The following NALF1 variants were observed in gnomAD, a reference collection of about 807,000 sequenced individuals.
The protein encoded by NALF1 is NALCN channel auxiliary factor 1.
A neutral mutation model predicts 48.4 loss-of-function variants in NALF1; 3 were observed. The ratio of observed to expected loss-of-function variants is 0.06; its 90% CI spans 0.03 to 0.16. The LOEUF (loss-of-function observed/expected upper bound fraction) is 0.16. Ranked by LOEUF, NALF1 falls within the 10% of genes least tolerant of loss-of-function variation. The pLI, the probability that NALF1 is intolerant of heterozygous loss-of-function variation, is 1.00. For missense variants in NALF1, 526 were observed against 571.5 expected (o/e 0.92, Z 0.81); for synonymous variants, 262 against 245.7 (o/e 1.07, Z -0.62).
chr13:107,325,075 A>G (rs185262736), intron 1 of NALF1, among the ~76,000 whole-genome samples: 269 of 152,324 alleles, frequency 1.8e-3, no homozygotes, highest in Middle Eastern at 3.4e-3. Context: ...CTATCTTGAA[A>G]TCATCAGTGG....
At chr13:107,511,134 G>A (rs1055531310) in intron 1 of NALF1, among the ~76,000 whole-genome samples, 2 of 152,164 alleles carry the variant, frequency 1.3e-5, no homozygotes, top group Non-Finnish European at 2.9e-5. Flanking sequence ...GCTGTTCACA[G>A]TGACACCGGA....
chr13:107,253,080 T>C (rs752178875), intron 1 of NALF1, among the ~76,000 whole-genome samples: 1 of 152,080 alleles, frequency 6.6e-6, no homozygotes, highest in Non-Finnish European at 1.5e-5. Flanking sequence ...GAGTATGAAA[T>C]GTAAATTTAA....
At chr13:107,390,697 G>C (rs1188259136) in intron 1 of NALF1, among the ~76,000 whole-genome samples, 4 of 151,974 alleles carry the variant, frequency 2.6e-5, no homozygotes. Flanking sequence ...GCCAACCTTG[G>C]ACAATGCTGT....
intron 1 of NALF1, among the ~76,000 whole-genome samples, chr13:107,809,234 A>G (rs975683370): frequency 4.6e-5 from 7 of 151,992 alleles, no homozygotes; most frequent in African/African-American, 1.7e-4. Context: ...TAATCAGGCC[A>G]TGACCTAAAT....
At chr13:107,378,836 G>A (rs1447602765) in intron 1 of NALF1, among the ~76,000 whole-genome samples, 1 of 152,072 alleles carries the variant, frequency 6.6e-6, no homozygotes, top group Non-Finnish European at 1.5e-5. Flanking sequence ...AAATATTATT[G>A]TTGAAAAATA....
chr13:107,221,499 G>C (rs554230636), intron 1 of NALF1, among the ~76,000 whole-genome samples: 1 of 152,246 alleles, frequency 6.6e-6, no homozygotes, highest in South Asian at 2.1e-4. Flanking sequence ...AGAATCACTT[G>C]AACTCAGGAG....
chr13:107,666,039 T>C (rs771533989), intron 1 of NALF1, among the ~76,000 whole-genome samples: 5 of 152,152 alleles, frequency 3.3e-5, no homozygotes, highest in Non-Finnish European at 5.9e-5. Context: ...ATCTGTAAAG[T>C]AGATGTCTAA....
chr13:107,236,511 G>A (rs143038226), intron 1 of NALF1, among the ~76,000 whole-genome samples: 134 of 152,188 alleles, frequency 8.8e-4, no homozygotes, highest in Middle Eastern at 3.4e-3. Flanking sequence ...TCCCCAGAGC[G>A]CATAATAATT....
chr13:107,264,523 C>A (rs994520906), intron 1 of NALF1, among the ~76,000 whole-genome samples: 1 of 152,056 alleles, frequency 6.6e-6, no homozygotes, highest in Non-Finnish European at 1.5e-5. Flanking sequence ...TTCATCTTCA[C>A]TAAAAATTGT....
chr13:107,782,342 G>A (rs966839722), intron 1 of NALF1, among the ~76,000 whole-genome samples: 18 of 152,320 alleles, frequency 1.2e-4, no homozygotes, highest in African/African-American at 4.3e-4. Context: ...GACGGTGTCT[G>A]GTTCACTCAG....
Position 107,188,646 on chromosome 13 carries a change from A to G in NALF1, c.1088-17860T>C, listed in dbSNP as rs1466463304. ...GGCTAGCATCATTACATCTAATATT[A>G]ATAGAATTATATTACTCTTCTTCCA... On this transcript the variant is annotated intron_variant, in intron 2 of 2. Coordinates refer to ENST00000375915, the MANE Select transcript of NALF1 (RefSeq NM_001080396.3). Among the ~76,000 whole-genome samples, 3 of 152,150 alleles carry G rather than the reference A, an allele frequency of 2.0e-5. No individual in the cohort carries two copies. The East Asian group carries it at 5.8e-4, about 29-fold the overall frequency.
chr13:107,707,219 G>A (rs991718101), intron 1 of NALF1, among the ~76,000 whole-genome samples: 3 of 151,892 alleles, frequency 2.0e-5, no homozygotes, highest in Non-Finnish European at 2.9e-5. Context: ...ACCGCGCCCG[G>A]CCAAGGGCAT....
chr13:107,654,100 G>A (rs559030608), intron 1 of NALF1, among the ~76,000 whole-genome samples: 25 of 152,018 alleles, frequency 1.6e-4, no homozygotes, highest in African/African-American at 6.0e-4. Flanking sequence ...CAAAAAGCTG[G>A]TTCTTTAGAA....
chr13:107,338,851 G>C (rs1014113520), intron 1 of NALF1, among the ~76,000 whole-genome samples: 1 of 152,100 alleles, frequency 6.6e-6, no homozygotes, highest in African/African-American at 2.4e-5. Context: ...ACAGCTTGAC[G>C]GCCGGGAGCT....
intron 1 of NALF1, among the ~76,000 whole-genome samples, chr13:107,277,426 C>A (rs1050623550): frequency 1.3e-5 from 2 of 152,126 alleles, no homozygotes; most frequent in Admixed American, 6.6e-5. Flanking sequence ...TAGGCAATTT[C>A]CTCTAAAAAC....
At chr13:107,313,159 A>T (rs1200566793) in intron 1 of NALF1, among the ~76,000 whole-genome samples, 1 of 152,160 alleles carries the variant, frequency 6.6e-6, no homozygotes, top group Non-Finnish European at 1.5e-5. Flanking sequence ...GACCAAAAAC[A>T]GGATCAAGAA....
chr13:107,321,198 T>G (rs1171087909), intron 1 of NALF1, among the ~76,000 whole-genome samples: 1 of 152,118 alleles, frequency 6.6e-6, no homozygotes, highest in African/African-American at 2.4e-5. Context: ...TTCCCATCAA[T>G]ATTAAACATC....
At chr13:107,637,591 C>G (rs960764228) in intron 1 of NALF1, among the ~76,000 whole-genome samples, 11 of 151,958 alleles carry the variant, frequency 7.2e-5, no homozygotes, top group African/African-American at 2.7e-4. Context: ...TCCTTTTTGC[C>G]AAAAAGTACT....
chr13:107,358,508 T>C (rs921243812), intron 1 of NALF1, among the ~76,000 whole-genome samples: 1 of 152,156 alleles, frequency 6.6e-6, no homozygotes, highest in Non-Finnish European at 1.5e-5. Flanking sequence ...TTATAAGAGA[T>C]ATGGAAGAGA....
Sources: gnomAD v4.1 joint callset for allele counts (sites outside exome capture counted in the v4.1 genomes callset) on GRCh38, gnomAD v4.1.1 for gene constraint, MANE v1.5 for transcripts, NCBI Gene and HGNC (gene_info 2026-07-23, HGNC 2026-07-21) for gene names.